DLG2: variants seen among roughly 807,000 people sequenced by gnomAD.
DLG2 encodes disks large homolog 2.
DLG2 carries 45 observed loss-of-function variants against 132.5 expected under a neutral mutation model. That is an observed-to-expected ratio of 0.34 (90% CI 0.27 to 0.44). The LOEUF (loss-of-function observed/expected upper bound fraction) is 0.44. DLG2 is among the 20% of genes least tolerant of loss of function. DLG2 has a pLI of 1.00. For synonymous variants in DLG2, 424 were observed against 419.6 expected, an observed-to-expected ratio of 1.01 and a Z score of -0.13; for missense variants, 1,045 against 1,196.9, an observed-to-expected ratio of 0.87 and a Z score of 1.87.
intron 7 of DLG2, among the ~76,000 whole-genome samples, chr11:84,518,713 C>T (rs948099889): frequency 1.3e-5 from 2 of 152,046 alleles, no homozygotes; most frequent in Non-Finnish European, 2.9e-5. Flanking sequence ...TTAAATCACC[C>T]AGTGACAGCA....
At chr11:84,501,901 G>A (rs1202481021) in intron 7 of DLG2, among the ~76,000 whole-genome samples, 1 of 151,998 alleles carries the variant, frequency 6.6e-6, no homozygotes, top group East Asian at 1.9e-4. Context: ...TAAATATACT[G>A]ATGCCCAGAA....
At chr11:84,225,700 C>T (rs952894212) in intron 8 of DLG2, among the ~76,000 whole-genome samples, 19 of 152,154 alleles carry the variant, frequency 1.2e-4, no homozygotes, top group Middle Eastern at 3.4e-3. Flanking sequence ...CTATATTTTT[C>T]ATCTTTATGC....
In DLG2 at chr11:85,033,710, T is replaced by C. The variant is rs75203891; in HGVS notation, c.357+77951A>G. On this transcript the variant is annotated intron_variant, in intron 6 of 27. Transcript: ENST00000376104. ...ATCACTCTGAGTTCCAGTTCTTAAA[T>C]ATCTAATACACAAATAGAGGGGAAA... 2.6e-5 allele frequency among the ~76,000 whole-genome samples: 4 copies of C among 152,214 alleles called. No individual in the cohort carries two copies. In the East Asian group the frequency reaches 7.7e-4, roughly 29 times the overall value.
chr11:84,856,327 T>C (rs1453061035), intron 6 of DLG2, among the ~76,000 whole-genome samples: 9 of 152,160 alleles, frequency 5.9e-5, no homozygotes, highest in African/African-American at 2.2e-4. Context: ...TATTGGGAAA[T>C]AAGGACAGTT....
chr11:85,291,585 C>CTTTT (rs11436726), intron 3 of DLG2, among the ~76,000 whole-genome samples: 13 of 138,772 alleles, frequency 9.4e-5, no homozygotes, highest in East Asian at 2.1e-4. Flanking sequence ...GGATTCTCTT[C>CTTTT]TTTTTTTTTT....
At chr11:85,565,023 T>C (rs1182256243) in intron 3 of DLG2, among the ~76,000 whole-genome samples, 1 of 152,036 alleles carries the variant, frequency 6.6e-6, no homozygotes, top group Admixed American at 6.6e-5. Context: ...TTATTTTAAT[T>C]TTTGTTATCA....
At chr11:85,014,708 C>A (rs191091933) in intron 6 of DLG2, among the ~76,000 whole-genome samples, 79 of 152,300 alleles carry the variant, frequency 5.2e-4, no homozygotes, top group African/African-American at 1.9e-3. Flanking sequence ...CCCACCCGGA[C>A]CTAACACACA....
At chr11:84,183,629 G>A (rs1453851327) in intron 8 of DLG2, among the ~76,000 whole-genome samples, 1 of 152,092 alleles carries the variant, frequency 6.6e-6, no homozygotes, top group Non-Finnish European at 1.5e-5. Context: ...ACAATGTGCA[G>A]GTTAGTTACA....
At chr11:83,556,606 A>G (rs2096525387) in intron 19 of DLG2, among the ~76,000 whole-genome samples, 1 of 152,140 alleles carries the variant, frequency 6.6e-6, no homozygotes, top group Admixed American at 6.5e-5. Flanking sequence ...TTTTAGACTC[A>G]AGTGATGCTC....
intron 18 of DLG2, among the ~76,000 whole-genome samples, chr11:83,671,100 A>T (rs1049506641): frequency 3.3e-5 from 5 of 152,222 alleles, no homozygotes; most frequent in Admixed American, 1.3e-4. Context: ...GTTTTCCTTT[A>T]TATCTTCCTT....
chr11:85,360,993 T>A (rs1380316349), intron 3 of DLG2, among the ~76,000 whole-genome samples: 1 of 152,196 alleles, frequency 6.6e-6, no homozygotes, highest in Admixed American at 6.5e-5. Context: ...CCCTATAGTA[T>A]TTCATTGTAT....
chr11:83,774,162 C>T (rs935377440), intron 18 of DLG2, among the ~76,000 whole-genome samples: 4 of 152,188 alleles, frequency 2.6e-5, no homozygotes, highest in African/African-American at 7.2e-5. Context: ...AACTTCCACA[C>T]AGGGCGTTAT....
chr11:84,447,209 T>C (rs946899206), intron 7 of DLG2, among the ~76,000 whole-genome samples: 3 of 152,142 alleles, frequency 2.0e-5, no homozygotes, highest in Non-Finnish European at 4.4e-5. Flanking sequence ...CTTTATAAAA[T>C]GGGGGTAATA....
intron 20 of DLG2, among the ~76,000 whole-genome samples, chr11:83,539,159 G>C (rs991860939): frequency 6.6e-6 from 1 of 152,140 alleles, no homozygotes; most frequent in South Asian, 2.1e-4. Context: ...CGTGCAACAG[G>C]AATGTTTTGT....
At chr11:84,583,437 GA>G (rs1374653867) in intron 6 of DLG2, among the ~76,000 whole-genome samples, 8 of 152,318 alleles carry the variant, frequency 5.3e-5, no homozygotes, top group African/African-American at 1.9e-4. Context: ...GTGAAATGAA[GA>G]GAGGAATTCT....
At chr11:84,167,897 C>A (rs1344729464) in intron 8 of DLG2, among the ~76,000 whole-genome samples, 1 of 152,172 alleles carries the variant, frequency 6.6e-6, no homozygotes, top group Non-Finnish European at 1.5e-5. Context: ...AACTCCTGAC[C>A]TCAGGAGATC....
chr11:83,730,150 T>G (rs1168358279), intron 18 of DLG2, among the ~76,000 whole-genome samples: 2 of 148,508 alleles, frequency 1.3e-5, no homozygotes, highest in South Asian at 2.1e-4. Flanking sequence ...TTTATGGTTT[T>G]TTTTTTTTTT....
At chr11:84,641,989 G>C (rs189594917) in intron 6 of DLG2, among the ~76,000 whole-genome samples, 65 of 117,764 alleles carry the variant, frequency 5.5e-4, no homozygotes, top group Middle Eastern at 4.0e-3. Context: ...ATGTGTGTAT[G>C]TGTGTGTGGA....
intron 9 of DLG2, among the ~76,000 whole-genome samples, chr11:84,112,307 T>C (rs1286828262): frequency 6.9e-6 from 1 of 145,582 alleles, no homozygotes; most frequent in Non-Finnish European, 1.5e-5. Context: ...CTTTTTTTTT[T>C]TCTTTTTACT....
Sources: allele counts gnomAD v4.1 joint callset (sites outside exome capture counted in the v4.1 genomes callset), GRCh38; gene constraint gnomAD v4.1.1; transcripts MANE v1.5; gene names NCBI Gene and HGNC (gene_info 2026-07-23, HGNC 2026-07-21).